The following LRRC4C variants were observed in gnomAD, a reference collection of about 807,000 sequenced individuals.
The protein encoded by LRRC4C is leucine-rich repeat-containing protein 4C.
LRRC4C carries 5 observed loss-of-function variants against 33.6 expected under a neutral mutation model. That is an observed-to-expected ratio of 0.15 (90% confidence interval 0.08 to 0.31). LRRC4C has a LOEUF of 0.31. LRRC4C is among the 10% of genes least tolerant of loss of function. LRRC4C has a pLI of 1.00. For missense variants in LRRC4C, 560 were observed against 796.7 expected (o/e 0.70, Z 3.58); for synonymous variants, 329 against 302.0 (o/e 1.09, Z -0.93).
intron 3 of LRRC4C, among the ~76,000 whole-genome samples, chr11:40,408,140 T>A (rs1472356380): frequency 1.3e-5 from 2 of 151,992 alleles, no homozygotes; most frequent in Admixed American, 1.3e-4. Context: ...CTGAAGCTCT[T>A]TGATGGATGT....
At chr11:40,744,519 C>T (rs989747667) in intron 2 of LRRC4C, among the ~76,000 whole-genome samples, 15 of 152,084 alleles carry the variant, frequency 9.9e-5, no homozygotes, top group African/African-American at 2.4e-4. Flanking sequence ...TGTGATCATT[C>T]GAACAATTAT....
intron 3 of LRRC4C, among the ~76,000 whole-genome samples, chr11:40,620,305 G>A (rs144986399): frequency 0.013 from 1,954 of 151,768 alleles, 10 homozygotes; most frequent in Middle Eastern, 0.034. Flanking sequence ...TCAGAATCTG[G>A]TGTATTGAAC....
chr11:41,305,902 A>C (rs1436290560), intron 1 of LRRC4C, among the ~76,000 whole-genome samples: 2 of 94,190 alleles, frequency 2.1e-5, no homozygotes, highest in Non-Finnish European at 4.8e-5. Flanking sequence ...ATTATCAATA[A>C]AAAAATAAAT....
At chr11:40,929,579 C>T (rs1036852964) in intron 2 of LRRC4C, among the ~76,000 whole-genome samples, 16 of 152,034 alleles carry the variant, frequency 1.1e-4, no homozygotes, top group Admixed American at 2.0e-4. Context: ...CCAGAAATAG[C>T]ACCACCTTCT....
intron 5 of LRRC4C, among the ~76,000 whole-genome samples, chr11:40,200,256 C>T (rs537067786): frequency 9.8e-5 from 14 of 142,440 alleles, no homozygotes; most frequent in Non-Finnish European, 1.8e-4. Context: ...CCCAGCTACT[C>T]GGGAGGCTGA....
chr11:41,138,612 C>T (rs909023701), intron 1 of LRRC4C, among the ~76,000 whole-genome samples: 10 of 151,956 alleles, frequency 6.6e-5, no homozygotes, highest in Non-Finnish European at 4.4e-5. Flanking sequence ...ATTTATAGGC[C>T]GATCTCTAGA....
chr11:41,181,090 TTTCTTATTCA>T (rs1364977635), intron 1 of LRRC4C, among the ~76,000 whole-genome samples: 1 of 152,186 alleles, frequency 6.6e-6, no homozygotes, highest in Non-Finnish European at 1.5e-5. Context: ...AATGAACTGT[TTTCTTATTCA>T]GTGAGTGAAA....
At chr11:40,863,927 T>C (rs1194478013) in intron 2 of LRRC4C, among the ~76,000 whole-genome samples, 1 of 151,714 alleles carries the variant, frequency 6.6e-6, no homozygotes, top group Non-Finnish European at 1.5e-5. Context: ...CCAGCAAACA[T>C]TGCATGTTCT....
chr11:40,627,548 A>G (rs1963070063), intron 3 of LRRC4C, among the ~76,000 whole-genome samples: 1 of 152,154 alleles, frequency 6.6e-6, no homozygotes. Flanking sequence ...CTCAGGGGAA[A>G]AAGTACTTCA....
At chr11:40,696,218 A>T (rs1945503007) in intron 2 of LRRC4C, among the ~76,000 whole-genome samples, 1 of 146,170 alleles carries the variant, frequency 6.8e-6, no homozygotes, top group Admixed American at 6.9e-5. Context: ...TATGTATATG[A>T]ATTAGCCAAC....
At chr11:40,747,808 G>A (rs1052189066) in intron 2 of LRRC4C, among the ~76,000 whole-genome samples, 1 of 152,054 alleles carries the variant, frequency 6.6e-6, no homozygotes, top group Admixed American at 6.6e-5. Flanking sequence ...ACTGGATAAA[G>A]CAGAAGAAAG....
chr11:41,110,310 C>A (rs1941755953), intron 1 of LRRC4C, among the ~76,000 whole-genome samples: 1 of 152,016 alleles, frequency 6.6e-6, no homozygotes, highest in Non-Finnish European at 1.5e-5. Context: ...ATGCAAAGTG[C>A]AAGCTTAATA....
chr11:40,781,474 G>A (rs762641773), intron 2 of LRRC4C, among the ~76,000 whole-genome samples: 16 of 152,068 alleles, frequency 1.1e-4, no homozygotes, highest in South Asian at 4.1e-4. Context: ...GTTATTTAAC[G>A]TAGGTTTGGG....
At position 41,350,981 on chromosome 11, in the gene LRRC4C, GC is replaced by G. The variant is rs1951960694; in HGVS notation, c.-496+108449del. On this transcript the variant is annotated intron_variant, in intron 1 of 6. Transcript: ENST00000528697. Reference sequence around the variant, plus strand: ...GTGGTGGCTCATGCCTATAATCCCAGCAGTTTGGGAAGCTGAGGAGGGTGGA... The same window carrying G: ...GTGGTGGCTCATGCCTATAATCCCAGAGTTTGGGAAGCTGAGGAGGGTGGA... Among the ~76,000 whole-genome samples the G allele has an allele frequency of 2.6e-5, 4 of 152,166 alleles. 1 individual carries two copies. The South Asian group carries it at 8.3e-4, about 31-fold the overall frequency.
intron 3 of LRRC4C, among the ~76,000 whole-genome samples, chr11:40,371,171 C>T (rs1163661819): frequency 6.6e-6 from 1 of 152,090 alleles, no homozygotes; most frequent in Non-Finnish European, 1.5e-5. Context: ...TTAGTTTTTA[C>T]ACTGTTCACT....
chr11:40,578,138 TCG>T (rs1958285481), intron 3 of LRRC4C, among the ~76,000 whole-genome samples: 2 of 62,820 alleles, frequency 3.2e-5, no homozygotes, highest in African/African-American at 6.7e-5. Context: ...CTTTTTTTTT[TCG>T]GTTTTTTTTT....
At chr11:41,405,920 A>C (rs573745418) in intron 1 of LRRC4C, among the ~76,000 whole-genome samples, 90 of 152,290 alleles carry the variant, frequency 5.9e-4, no homozygotes, top group Non-Finnish European at 1.1e-3. Flanking sequence ...AAAATATAAA[A>C]GAAAAACTAA....
At chr11:40,915,703 T>C (rs1189701790) in intron 2 of LRRC4C, among the ~76,000 whole-genome samples, 21 of 151,978 alleles carry the variant, frequency 1.4e-4, no homozygotes, top group African/African-American at 4.1e-4. Context: ...AATGGGATCT[T>C]GTTAAACTAA....
chr11:40,963,869 G>T (rs888525081), intron 1 of LRRC4C, among the ~76,000 whole-genome samples: 4 of 151,700 alleles, frequency 2.6e-5, no homozygotes, highest in African/African-American at 9.7e-5. Flanking sequence ...TGAGTAATTT[G>T]CTGGCAATGT....
Sources: allele counts gnomAD v4.1 joint callset (sites outside exome capture counted in the v4.1 genomes callset), GRCh38; gene constraint gnomAD v4.1.1; transcripts MANE v1.5; gene names NCBI Gene and HGNC (gene_info 2026-07-23, HGNC 2026-07-21).